Variants in NUP62 observed in about 807,000 individuals in gnomAD.
NUP62 encodes nuclear pore glycoprotein p62.
For synonymous variants in NUP62, 305 were observed against 303.4 expected, an observed-to-expected ratio of 1.01 and a Z score of -0.05; for missense variants, 647 against 689.4, an observed-to-expected ratio of 0.94 and a Z score of 0.69.
intron 2 of NUP62, among the ~76,000 whole-genome samples, chr19:49,913,907 G>A (rs954403927): frequency 1.3e-5 from 2 of 152,178 alleles, no homozygotes; most frequent in African/African-American, 2.4e-5. Context: ...TGAACCGTAG[G>A]GGTAGAGGCT....
At position 49,915,912 on chromosome 19, in the gene NUP62, C is replaced by A. The variant is rs1367785418; in HGVS notation, c.-77-6028G>T. On this transcript the variant is annotated intron_variant, in intron 2 of 2. Coordinates refer to ENST00000352066, the MANE Select transcript of NUP62 (RefSeq NM_016553.5). ...GGTTGCCTCCGAACACAGAGGAAGG[C>A]TAACGGTGGGGATGGTGTCGGCTCC... 3.9e-5 allele frequency among the ~76,000 whole-genome samples: 6 copies of A among 152,258 alleles called. No individual in the cohort carries two copies. In the East Asian group the frequency reaches 1.2e-3, roughly 29 times the overall value.
At position 49,909,298 on chromosome 19, in the gene NUP62, A is replaced by G. The variant is rs773414808; in HGVS notation, c.510T>C (p.Gly170=). 6.2e-7 allele frequency: 1 copy of G among 1,613,556 alleles called. No individual in the cohort carries two copies. The highest frequency in any genetic ancestry group is 1.3e-5 in the African/African-American group (1 of 74,730). ...FTGGSTAQPS[G]FNIGSAGNSA... is the part of the protein sequence containing the mutation. ...AATTCCCTGCTGAGCCAATGTTGAA[A>G]CCGGAGGGTTGGGCCGTGCTTCCAC... The change falls in exon 3 of 3, where the codon GGT becomes GGC. Residue 170 remains glycine, a synonymous_variant. Transcript: ENST00000352066.
In NUP62 at chr19:49,908,084, A is replaced by G; in HGVS notation, c.*155T>C. 2 of 1,455,386 alleles carry G rather than the reference A, an allele frequency of 1.4e-6. No homozygotes were observed. The highest frequency in any genetic ancestry group is 1.8e-6 in the Non-Finnish European group (2 of 1,103,438). 90.2% of individuals were successfully genotyped at this position (1,455,386 alleles called of 1,614,324 possible). ...GGCCCAGAATACCCTCCTAAATGGAAAAACGCAAAGCACACAGCGATCATG... is the reference window on the plus strand; with the variant it reads ...GGCCCAGAATACCCTCCTAAATGGAGAAACGCAAAGCACACAGCGATCATG... On this transcript the variant is annotated 3_prime_UTR_variant, in exon 3 of 3. Transcript: ENST00000352066.
At chr19:49,912,166 C>CT (rs60350799) in intron 2 of NUP62, among the ~76,000 whole-genome samples, 38,224 of 115,610 alleles carry the variant, frequency 0.33, 7,076 homozygotes, top group Middle Eastern at 0.39. Context: ...AACAGTTCAC[C>CT]TTTTTTTTTT....
At chr19:49,925,860 T>C (rs995491328) in intron 2 of NUP62, among the ~76,000 whole-genome samples, 1 of 152,196 alleles carries the variant, frequency 6.6e-6, no homozygotes, top group African/African-American at 2.4e-5. Context: ...CCGTATTATC[T>C]TTGCAACTTT....
At position 49,907,312 on chromosome 19, in the gene NUP62, G is replaced by A. The variant is rs2075343328; in HGVS notation, c.*927C>T. 3.2e-6 allele frequency: 1 copy of A among 313,100 alleles called. No homozygotes were observed. Among genetic ancestry groups the A allele is most frequent in the Non-Finnish European group, 6.1e-6 (1 of 162,644 alleles). 19.4% of individuals were successfully genotyped at this position (313,100 alleles called of 1,614,324 possible). A position where few individuals can be genotyped will look rare whatever the true frequency, so the allele number is the denominator to read the frequency against. ...CTTCCTGGAGGAGGTGAGGCCCAAGGTGGGGGTGAGCCTGGGCCAGGCAAA... is the reference window on the plus strand; with the variant it reads ...CTTCCTGGAGGAGGTGAGGCCCAAGATGGGGGTGAGCCTGGGCCAGGCAAA... On this transcript the variant is annotated 3_prime_UTR_variant, in exon 3 of 3. Coordinates refer to ENST00000352066, the MANE Select transcript of NUP62 (RefSeq NM_016553.5).
chr19:49,928,474 G>C (rs192618991), intron 1 of NUP62: 1 of 149,836 alleles, frequency 6.7e-6, no homozygotes, highest in Non-Finnish European at 1.5e-5. Context: ...CCGAGATCGC[G>C]CCACTGCACT....
At chr19:49,920,129 C>G (rs1001526587) in intron 2 of NUP62, among the ~76,000 whole-genome samples, 6 of 152,010 alleles carry the variant, frequency 3.9e-5, no homozygotes, top group Non-Finnish European at 8.8e-5. Flanking sequence ...TGTCATCAGG[C>G]TGGAGTGCAG....
rs564852163 is a variant in NUP62, at chr19:49,908,949, T to C, written c.859A>G (p.Thr287Ala). Residue 287 changes from threonine (T) to alanine (A), a missense_variant, in exon 3 of 3, where the codon ACC becomes GCC. Physicochemically the swap from Thr to Ala is moderately conservative, Grantham distance 58 (BLOSUM62 0). Coordinates refer to ENST00000352066, the MANE Select transcript of NUP62 (RefSeq NM_016553.5). ...ATATTTSSSS[T>A]TGFALNLKPL... Reference sequence around the variant, plus strand: ...TTTAAATTCAAGGCAAAGCCGGTGGTGCTGCTGCTGCTGGTGGTGGTGGCG... The same window carrying C: ...TTTAAATTCAAGGCAAAGCCGGTGGCGCTGCTGCTGCTGGTGGTGGTGGCG... The C allele has an allele frequency of 4.6e-5, 72 of 1,563,088 alleles. No homozygotes were observed. The highest frequency in any genetic ancestry group is 5.8e-5 in the Non-Finnish European group (66 of 1,145,542).
chr19:49,925,439 T>TA (rs1441607918), intron 2 of NUP62, among the ~76,000 whole-genome samples: 1 of 90,540 alleles, frequency 1.1e-5, no homozygotes, highest in Admixed American at 1.2e-4. Flanking sequence ...CCATCTCTAC[T>TA]AAAAAAAGCC....
chr19:49,913,364 C>A (rs914045597), intron 2 of NUP62, among the ~76,000 whole-genome samples: 4 of 152,142 alleles, frequency 2.6e-5, no homozygotes, highest in Non-Finnish European at 4.4e-5. Context: ...CAGATAAGAG[C>A]GCCTTTGTTT....
At chr19:49,925,673 G>A (rs550536988) in intron 2 of NUP62, among the ~76,000 whole-genome samples, 5 of 152,192 alleles carry the variant, frequency 3.3e-5, no homozygotes, top group Non-Finnish European at 7.3e-5. Flanking sequence ...AAGGCATCCG[G>A]AAGGAGCAGA....
chr19:49,916,924 CAAAT>C (rs1568713417), intron 2 of NUP62, among the ~76,000 whole-genome samples: 1 of 152,168 alleles, frequency 6.6e-6, no homozygotes, highest in African/African-American at 2.4e-5. Flanking sequence ...CCGTCTCAAA[CAAAT>C]AAAAAAGTTC....
At chr19:49,924,374 C>T (rs12610164) in intron 2 of NUP62, among the ~76,000 whole-genome samples, 46,212 of 151,986 alleles carry the variant, frequency 0.3, 7,801 homozygotes, top group Non-Finnish European at 0.36. Flanking sequence ...TCTTGCTGTG[C>T]GGGGGTTCTC....
chr19:49,917,264 A>G (rs372344048), intron 2 of NUP62, among the ~76,000 whole-genome samples: 27 of 152,122 alleles, frequency 1.8e-4, no homozygotes, highest in Admixed American at 1.1e-3. Context: ...GCCTTCCCTC[A>G]CTTGCCCTCC....
chr19:49,919,322 C>T (rs1222182768), intron 2 of NUP62, among the ~76,000 whole-genome samples: 1 of 152,206 alleles, frequency 6.6e-6, no homozygotes, highest in African/African-American at 2.4e-5. Context: ...ACTTGCTGTG[C>T]GTTTAAACAA....
intron 2 of NUP62, chr19:49,917,864 T>G (rs1328334178): frequency 6.6e-6 from 1 of 152,212 alleles, no homozygotes; most frequent in African/African-American, 2.4e-5. Flanking sequence ...AACCCCCGTC[T>G]CTACTAAAAA....
At chr19:49,925,267 A>T (rs1011711803) in intron 2 of NUP62, among the ~76,000 whole-genome samples, 1 of 151,806 alleles carries the variant, frequency 6.6e-6, no homozygotes, top group African/African-American at 2.4e-5. Context: ...GTCTCAAAAA[A>T]CCAAAAAAAT....
chr19:49,919,404 T>A lies in NUP62; in HGVS notation c.-78+8290A>T, dbSNP rs118139277. ...TACATGCACTGTTCTCTACTGTTCT[T>A]TATGTATCTTAGAAATCGTTTTAAG... is the stretch of plus-strand genomic sequence containing the variant. On this transcript the variant is annotated intron_variant, in intron 2 of 2. Coordinates refer to ENST00000352066, the MANE Select transcript of NUP62 (RefSeq NM_016553.5). 6.0e-3 allele frequency among the ~76,000 whole-genome samples: 917 copies of A among 152,284 alleles called. 9 individuals are homozygous for A. Among genetic ancestry groups the A allele is most frequent in the South Asian group, 0.019 (93 of 4,830 alleles).
Sources: allele counts gnomAD v4.1 joint callset (sites outside exome capture counted in the v4.1 genomes callset), GRCh38; gene constraint gnomAD v4.1.1; transcripts MANE v1.5; gene names NCBI Gene and HGNC (gene_info 2026-07-23, HGNC 2026-07-21).